Variants in CCDC7 observed in about 807,000 individuals in gnomAD.
The protein encoded by CCDC7 is coiled-coil domain containing 7.
In CCDC7, 183 loss-of-function variants were observed where a neutral mutation model predicts 196.9. The ratio of observed to expected loss-of-function variants is 0.93; its 90% CI spans 0.82 to 1.05. The LOEUF is 1.05. CCDC7 is among the 50% of genes least tolerant of loss of function. The pLI, the probability that CCDC7 is intolerant of heterozygous loss-of-function variation, is 0.00. For missense variants in CCDC7, 1,540 were observed against 1,482.2 expected (o/e 1.04, Z -0.64); for synonymous variants, 525 against 484.6 (o/e 1.08, Z -1.10).
chr10:32,801,075 C>T (rs1357609830), intron 29 of CCDC7, among the ~76,000 whole-genome samples: 2 of 152,176 alleles, frequency 1.3e-5, no homozygotes, highest in Non-Finnish European at 2.9e-5. Context: ...CAATTATTCC[C>T]ACTGCATTTA....
At chr10:32,578,798 A>G (rs972897962) in intron 16 of CCDC7, among the ~76,000 whole-genome samples, 1 of 152,096 alleles carries the variant, frequency 6.6e-6, no homozygotes, top group African/African-American at 2.4e-5. Flanking sequence ...TGCCTGCTTT[A>G]AGTGATATAG....
intron 20 of CCDC7, among the ~76,000 whole-genome samples, chr10:32,662,809 T>C (rs11009021): frequency 0.089 from 13,552 of 152,202 alleles, 864 homozygotes; most frequent in East Asian, 0.33. Context: ...AGATAACCAA[T>C]GAGAGTAGCA....
intron 24 of CCDC7, 127 bp from the exon 26 acceptor site, chr10:32,711,493 A>G (rs2080832118): frequency 1.7e-6 from 1 of 571,650 alleles, no homozygotes; most frequent in South Asian, 2.2e-5. Context: ...GCTAGCATTA[A>G]GGTAGTTTAC....
chr10:32,453,768 T>C (rs2033690548), intron 2 of CCDC7, among the ~76,000 whole-genome samples: 1 of 152,218 alleles, frequency 6.6e-6, no homozygotes, highest in African/African-American at 2.4e-5. Context: ...ATGGTACTGC[T>C]ATGTTGAGAA....
intron 24 of CCDC7, among the ~76,000 whole-genome samples, chr10:32,699,618 G>A (rs527513898): frequency 1.3e-5 from 2 of 149,296 alleles, no homozygotes; most frequent in Non-Finnish European, 2.9e-5. Flanking sequence ...AGATCCCTGA[G>A]GAATCGCCAC....
At chr10:32,500,115 G>T (rs953158927) in intron 9 of CCDC7, among the ~76,000 whole-genome samples, 6 of 152,192 alleles carry the variant, frequency 3.9e-5, no homozygotes, top group African/African-American at 7.2e-5. Context: ...TGAGCTGTTG[G>T]GTACACCTCC....
At chr10:32,511,243 G>T (rs989481537) in intron 9 of CCDC7, 4 of 727,002 alleles carry the variant, frequency 5.5e-6, no homozygotes, top group Non-Finnish European at 8.8e-6. Flanking sequence ...TCCTGCCACA[G>T]AATTATTCTG....
chr10:32,603,574 G>A (rs940286665), intron 18 of CCDC7, among the ~76,000 whole-genome samples: 6 of 112,120 alleles, frequency 5.4e-5, no homozygotes, highest in Non-Finnish European at 9.3e-5. Context: ...CACCAGCCAT[G>A]TGTGATAGTT....
At chr10:32,819,582 A>T (rs569746306) in intron 31 of CCDC7, among the ~76,000 whole-genome samples, 3 of 152,294 alleles carry the variant, frequency 2.0e-5, no homozygotes, top group East Asian at 1.9e-4. Context: ...ATACTGACAA[A>T]CTGAATCCAG....
chr10:32,815,942 C>G (rs1290979604), intron 31 of CCDC7, among the ~76,000 whole-genome samples: 1 of 152,216 alleles, frequency 6.6e-6, no homozygotes, highest in African/African-American at 2.4e-5. Flanking sequence ...TGGGTGATTT[C>G]TGCATTTCCA....
At chr10:32,809,599 T>C (rs968071162) in intron 30 of CCDC7, among the ~76,000 whole-genome samples, 2 of 152,144 alleles carry the variant, frequency 1.3e-5, no homozygotes, top group Admixed American at 6.5e-5. Context: ...AAAGAAGACA[T>C]TTATGCAGCC....
At chr10:32,597,994 A>T (rs1041248181) in intron 18 of CCDC7, among the ~76,000 whole-genome samples, 1 of 152,182 alleles carries the variant, frequency 6.6e-6, no homozygotes, top group African/African-American at 2.4e-5. Flanking sequence ...CTCAGATCTC[A>T]AACTCCATGC....
chr10:32,474,137 C>A, intron 8 of CCDC7, 114 bp downstream of exon 9: 1 of 975,886 alleles, frequency 1.0e-6, no homozygotes, highest in South Asian at 2.7e-5. Context: ...GAGTTTGGAG[C>A]CATATAGTTG....
intron 28 of CCDC7, among the ~76,000 whole-genome samples, chr10:32,740,999 C>A (rs1021750758): frequency 6.6e-6 from 1 of 151,908 alleles, no homozygotes; most frequent in African/African-American, 2.4e-5. Context: ...TGTCTACCTG[C>A]ATTAATGAAA....
chr10:32,672,358 G>A (rs2074216949), intron 21 of CCDC7, among the ~76,000 whole-genome samples: 1 of 152,130 alleles, frequency 6.6e-6, no homozygotes, highest in Non-Finnish European at 1.5e-5. Context: ...TGTGGCTCTG[G>A]GATTTGGAAT....
intron 11 of CCDC7, among the ~76,000 whole-genome samples, chr10:32,525,916 G>T (rs796968179): frequency 1.2e-4 from 19 of 152,276 alleles, no homozygotes; most frequent in African/African-American, 4.6e-4. Flanking sequence ...TGTTGTGCAA[G>T]CACCCCTGTG....
Position 32,729,316 on chromosome 10 carries a change from A to T in CCDC7, c.2780-16A>T. The T allele has an allele frequency of 6.5e-7, 1 of 1,544,940 alleles. No homozygotes were observed. Among genetic ancestry groups the T allele is most frequent in the Non-Finnish European group, 8.7e-7 (1 of 1,146,762 alleles). On this transcript the variant is annotated splice_polypyrimidine_tract_variant and intron_variant, in intron 27 of 41. Transcript: ENST00000639629. The stretch of plus-strand genomic sequence containing the variant: ...TATCCAGAAGTTCTATTGCACATCT[A>T]TTTTTTTCTATTTAGCGTTTCCTTT...
chr10:32,623,962 C>G (rs1315000567), intron 18 of CCDC7: 1 of 291,006 alleles, frequency 3.4e-6, no homozygotes, highest in Admixed American at 4.5e-5. Context: ...ATCCAAACAC[C>G]TCCCACCGGG....
chr10:32,736,936 C>T (rs2084962465), intron 28 of CCDC7, among the ~76,000 whole-genome samples: 1 of 151,910 alleles, frequency 6.6e-6, no homozygotes, highest in East Asian at 1.9e-4. Flanking sequence ...TTGATTTATT[C>T]CTTATCTTAG....
Sources: gnomAD v4.1 joint callset for allele counts (sites outside exome capture counted in the v4.1 genomes callset) on GRCh38, gnomAD v4.1.1 for gene constraint, MANE v1.5 for transcripts, NCBI Gene and HGNC (gene_info 2026-07-23, HGNC 2026-07-21) for gene names.